TRHR: variants seen among roughly 807,000 people sequenced by gnomAD.
The protein encoded by TRHR is thyrotropin releasing hormone receptor, also known as thyrotropin-releasing hormone receptor.
Under a neutral mutation model 28.0 loss-of-function variants are expected in TRHR, and 14 were observed. The observed-to-expected ratio is 0.50, with a 90% CI of 0.33 to 0.78. The LOEUF (loss-of-function observed/expected upper bound fraction) is 0.78. Among genes scored for constraint, TRHR ranks in the 30% least tolerant of loss-of-function variants. The pLI is 0.02. For synonymous variants in TRHR, 176 were observed against 171.9 expected, an observed-to-expected ratio of 1.02 and a Z score of -0.18; for missense variants, 438 against 469.5, an observed-to-expected ratio of 0.93 and a Z score of 0.62.
Position 109,121,032 on chromosome 8 carries a change from C to T in TRHR, c.*1577C>T, listed in dbSNP as rs978641858. ...ACCATTCTTCTGAAACTTGTTTTTA[C>T]GTGCTGTTTCATGGAGACTATGCTA... On this transcript the variant is annotated 3_prime_UTR_variant, in exon 3 of 3. Coordinates refer to ENST00000518632, the MANE Select transcript of TRHR (RefSeq NM_003301.7). 3.3e-5 allele frequency among the ~76,000 whole-genome samples: 5 copies of T among 150,258 alleles called. No individual in the cohort carries two copies. The highest frequency in any genetic ancestry group is 7.4e-5 in the Non-Finnish European group (5 of 67,618).
chr8:109,087,428 G>T lies in TRHR; in HGVS notation c.-85G>T. Reference sequence around the variant, plus strand: ...TATGTACTATGACCCTTCACAGGGGGATGGAACTGCTGCAATAAAGGTGGG... The same window carrying T: ...TATGTACTATGACCCTTCACAGGGGTATGGAACTGCTGCAATAAAGGTGGG... On this transcript the variant is annotated 5_prime_UTR_variant, in exon 2 of 3. Coordinates refer to ENST00000518632, the MANE Select transcript of TRHR (RefSeq NM_003301.7). The T allele has an allele frequency of 3.5e-6, 5 of 1,431,096 alleles. No homozygotes were observed. Among genetic ancestry groups the T allele is most frequent in the Non-Finnish European group, 1.9e-6 (2 of 1,026,208 alleles). The allele number at this position is 1,431,096 out of a possible 1,614,324, so 88.6% of individuals were successfully genotyped here.
chr8:109,088,762 C>A (rs985534412), intron 2 of TRHR, among the ~76,000 whole-genome samples: 19 of 152,192 alleles, frequency 1.2e-4, no homozygotes, highest in Non-Finnish European at 2.4e-4. Context: ...CTTTGCCATT[C>A]TATGGTTACT....
At chr8:109,109,107 C>G (rs1443160176) in intron 2 of TRHR, among the ~76,000 whole-genome samples, 2 of 152,082 alleles carry the variant, frequency 1.3e-5, no homozygotes, top group Non-Finnish European at 2.9e-5. Flanking sequence ...AATAAGAATA[C>G]CTTTGTTAGG....
At chr8:109,102,880 A>T (rs1004229371) in intron 2 of TRHR, among the ~76,000 whole-genome samples, 1 of 152,306 alleles carries the variant, frequency 6.6e-6, no homozygotes, top group African/African-American at 2.4e-5. Flanking sequence ...AACCATATTT[A>T]GAAGAGCCAC....
chr8:109,113,533 T>G (rs4546626), intron 2 of TRHR, among the ~76,000 whole-genome samples: 60,570 of 151,848 alleles, frequency 0.4, 12,344 homozygotes, highest in Admixed American at 0.5. Flanking sequence ...TTCTAGATGG[T>G]ATCCTGCAAC....
At chr8:109,104,160 TAC>T (rs1409019274) in intron 2 of TRHR, among the ~76,000 whole-genome samples, 19 of 152,098 alleles carry the variant, frequency 1.2e-4, no homozygotes, top group Admixed American at 1.2e-3. Context: ...GGAAAATTAT[TAC>T]AGTCAGAATT....
chr8:109,114,449 A>C (rs1811887712), intron 2 of TRHR, among the ~76,000 whole-genome samples: 1 of 152,026 alleles, frequency 6.6e-6, no homozygotes, highest in African/African-American at 2.4e-5. Flanking sequence ...TTGCAGCTGT[A>C]TCTCTCTTTC....
At chr8:109,100,933 G>T (rs2129900412) in intron 2 of TRHR, among the ~76,000 whole-genome samples, 1 of 152,238 alleles carries the variant, frequency 6.6e-6, no homozygotes, top group East Asian at 1.9e-4. Context: ...CCAGAAAATG[G>T]CAAGTAGTTC....
intron 2 of TRHR, among the ~76,000 whole-genome samples, chr8:109,114,707 C>T (rs1040403217): frequency 2.0e-5 from 3 of 152,076 alleles, no homozygotes; most frequent in Non-Finnish European, 4.4e-5. Context: ...TCTCGTCTCT[C>T]TTTATCTTAA....
chr8:109,100,584 A>G (rs1050204870), intron 2 of TRHR, among the ~76,000 whole-genome samples: 3 of 152,220 alleles, frequency 2.0e-5, no homozygotes, highest in Non-Finnish European at 2.9e-5. Context: ...AATTAAAAAC[A>G]TACTAAATGT....
chr8:109,118,138 G>T (rs79344901), intron 2 of TRHR, among the ~76,000 whole-genome samples: 1,737 of 151,866 alleles, frequency 0.011, 37 homozygotes, highest in African/African-American at 0.04. Flanking sequence ...AAGCTCACTT[G>T]GACAGTAATC....
chr8:109,088,901 C>T (rs903517986), intron 2 of TRHR, among the ~76,000 whole-genome samples: 8 of 152,108 alleles, frequency 5.3e-5, no homozygotes, highest in Non-Finnish European at 2.9e-5. Context: ...TGAAAATGCA[C>T]TTTGCTCAGG....
In TRHR at chr8:109,119,701, T is replaced by A; in HGVS notation, c.*246T>A. The A allele has an allele frequency of 2.2e-6, 1 of 458,912 alleles. No individual in the cohort carries two copies. The highest frequency in any genetic ancestry group is 5.8e-4 in the Middle Eastern group (1 of 1,710). The allele number at this position is 458,912 out of a possible 1,614,324, so 28.4% of individuals were successfully genotyped here. Reference sequence around the variant, plus strand: ...AGCTAAATGATGGAAACTTAAAGTTTAGCCCTTTTCATTTAACTTAAGAAA... The same window carrying A: ...AGCTAAATGATGGAAACTTAAAGTTAAGCCCTTTTCATTTAACTTAAGAAA... On this transcript the variant is annotated 3_prime_UTR_variant, in exon 3 of 3. Coordinates refer to ENST00000518632, the MANE Select transcript of TRHR (RefSeq NM_003301.7).
intron 2 of TRHR, among the ~76,000 whole-genome samples, chr8:109,100,567 A>G (rs1225348653): frequency 1.3e-5 from 2 of 152,194 alleles, no homozygotes; most frequent in Non-Finnish European, 2.9e-5. Flanking sequence ...CTCCTCACCT[A>G]TGATTTAATT....
At chr8:109,094,275 G>A (rs1234545550) in intron 2 of TRHR, among the ~76,000 whole-genome samples, 1 of 151,370 alleles carries the variant, frequency 6.6e-6, no homozygotes, top group African/African-American at 2.4e-5. Flanking sequence ...TTTAGAGATG[G>A]AGGCCTTGCT....
chr8:109,095,417 G>A (rs1563622143), intron 2 of TRHR, among the ~76,000 whole-genome samples: 2 of 152,132 alleles, frequency 1.3e-5, no homozygotes, highest in Admixed American at 6.5e-5. Context: ...CAGAAAGGGG[G>A]AAGTAGATGG....
intron 2 of TRHR, among the ~76,000 whole-genome samples, chr8:109,115,014 T>G (rs758328034): frequency 1.3e-5 from 2 of 151,982 alleles, no homozygotes; most frequent in Non-Finnish European, 2.9e-5. Flanking sequence ...ACTCAAAGAT[T>G]GTGTCATGCT....
rs769413252 is a variant in TRHR, at chr8:109,119,241, G to A, written c.983G>A (p.Arg328His). 3.2e-5 allele frequency: 51 copies of A among 1,612,800 alleles called. No individual in the cohort carries two copies. Among genetic ancestry groups the A allele is most frequent in the East Asian group, 8.9e-5 (4 of 44,806 alleles). The stretch of plus-strand genomic sequence containing the variant: ...TACAATCTCATGTCCCAGAAATTCC[G>A]TGCAGCCTTCAGAAAGCTCTGCAAC... ...VIYNLMSQKF[R>H]AAFRKLCNCK... is the part of the protein sequence containing the mutation. Residue 328 changes from arginine to histidine, a missense_variant, in exon 3 of 3, where the codon CGT becomes CAT. Coordinates refer to ENST00000518632, the MANE Select transcript of TRHR (RefSeq NM_003301.7).
intron 2 of TRHR, among the ~76,000 whole-genome samples, chr8:109,097,543 CAT>C (rs754665899): frequency 2.0e-5 from 3 of 152,132 alleles, no homozygotes; most frequent in Non-Finnish European, 4.4e-5. Flanking sequence ...TACGTTAAAA[CAT>C]AAGGTTAAGC....
Sources: allele counts gnomAD v4.1 joint callset (sites outside exome capture counted in the v4.1 genomes callset), GRCh38; gene constraint gnomAD v4.1.1; transcripts MANE v1.5; gene names NCBI Gene and HGNC (gene_info 2026-07-23, HGNC 2026-07-21).